NMBR: variants seen among roughly 807,000 people sequenced by gnomAD.
NMBR encodes neuromedin B receptor.
A neutral mutation model predicts 20.5 loss-of-function variants in NMBR; 16 were observed. The observed-to-expected ratio is 0.78, with a 90% CI of 0.53 to 1.19. NMBR has a LOEUF of 1.19. NMBR is among the 50% of genes most tolerant of loss of function. The pLI is 0.00. For missense variants in NMBR, 582 were observed against 499.1 expected, an observed-to-expected ratio of 1.17 and a Z score of -1.58; for synonymous variants, 212 against 196.6, an observed-to-expected ratio of 1.08 and a Z score of -0.65.
intron 1 of NMBR, among the ~76,000 whole-genome samples, chr6:142,142,300 T>C (rs983099459): frequency 1.1e-4 from 16 of 152,188 alleles, no homozygotes; most frequent in African/African-American, 3.4e-4. Flanking sequence ...TTTTAGGAAT[T>C]AGAAGAGAAT....
At chr6:142,083,282 A>G (rs542745065) in intron 2 of NMBR, among the ~76,000 whole-genome samples, 9 of 152,378 alleles carry the variant, frequency 5.9e-5, no homozygotes, top group African/African-American at 2.2e-4. Flanking sequence ...TTATATAAAA[A>G]TAACAGAGAA....
In NMBR at chr6:142,088,884, C is replaced by G; in HGVS notation, c.-226G>C. ...TTCTAGAGGGGGGAAATGGCTCCGG[C>G]TAACTCTGAATTTAAATTAAAAAAA... On this transcript the variant is annotated 5_prime_UTR_variant, in exon 2 of 4. Transcript: ENST00000258042. The G allele has an allele frequency of 2.2e-6, 1 of 452,130 alleles. No individual in the cohort carries two copies. The highest frequency in any genetic ancestry group is 3.9e-6 in the Non-Finnish European group (1 of 258,088). 28.0% of individuals were successfully genotyped at this position (452,130 alleles called of 1,614,324 possible). A position where few individuals can be genotyped will look rare whatever the true frequency, so the allele number is the denominator to read the frequency against.
chr6:142,079,960 T>A (rs1429185125), intron 2 of NMBR, among the ~76,000 whole-genome samples: 2 of 152,182 alleles, frequency 1.3e-5, no homozygotes, highest in Non-Finnish European at 2.9e-5. Context: ...TGCAAACAAT[T>A]CAAAATGGTA....
In NMBR at chr6:142,075,691, A is replaced by G. The variant is rs371294748; in HGVS notation, c.1130T>C (p.Val377Ala). 1 of 1,613,502 alleles carries G rather than the reference A, an allele frequency of 6.2e-7. No homozygotes were observed. Among genetic ancestry groups the G allele is most frequent in the South Asian group, 1.1e-5 (1 of 90,960 alleles). Residue 377 changes from valine to alanine, a missense_variant, in exon 4 of 4, where the codon GTT becomes GCT. Val to Ala is a moderately conservative substitution (Grantham distance 64). Transcript: ENST00000258042. Reference protein sequence around the residue: ...SNAKNMVTNSVLLNGHSMKQE... With the variant: ...SNAKNMVTNSALLNGHSMKQE... ...CTTCATGCTGTGCCCATTTAGTAAA[A>G]CAGAATTGGTCACCATGTTCTTAGC...
intron 1 of NMBR, among the ~76,000 whole-genome samples, chr6:142,098,765 AATGC>A (rs772041420): frequency 2.6e-4 from 39 of 152,304 alleles, no homozygotes; most frequent in Non-Finnish European, 4.6e-4. Flanking sequence ...CTATAAATTC[AATGC>A]TATCTTAATC....
intron 2 of NMBR, among the ~76,000 whole-genome samples, chr6:142,087,444 G>C (rs889526484): frequency 6.6e-6 from 1 of 152,138 alleles, no homozygotes; most frequent in Non-Finnish European, 1.5e-5. Flanking sequence ...CCTGAGTCAG[G>C]AGACTTGGAT....
At chr6:142,118,690 T>C (rs1288564135) in intron 1 of NMBR, among the ~76,000 whole-genome samples, 2 of 152,004 alleles carry the variant, frequency 1.3e-5, no homozygotes, top group African/African-American at 2.4e-5. Flanking sequence ...GTTAAGACGA[T>C]AGAAGGTTGT....
chr6:142,090,349 C>A (rs1777300663), intron 1 of NMBR, among the ~76,000 whole-genome samples: 1 of 151,974 alleles, frequency 6.6e-6, no homozygotes, highest in African/African-American at 2.4e-5. Flanking sequence ...TGCAATGTCA[C>A]TTATAAATTA....
At chr6:142,081,540 A>C (rs896631793) in intron 2 of NMBR, among the ~76,000 whole-genome samples, 2 of 152,210 alleles carry the variant, frequency 1.3e-5, no homozygotes, top group African/African-American at 4.8e-5. Context: ...AAAAGGGGAG[A>C]ATTGAAAATC....
intron 1 of NMBR, among the ~76,000 whole-genome samples, chr6:142,142,535 A>G (rs1004013522): frequency 6.6e-6 from 1 of 152,288 alleles, no homozygotes; most frequent in South Asian, 2.1e-4. Context: ...AGCTTGATAA[A>G]TAGCATCTAA....
intron 1 of NMBR, among the ~76,000 whole-genome samples, chr6:142,093,019 T>C (rs909344464): frequency 6.6e-6 from 1 of 152,110 alleles, no homozygotes; most frequent in Non-Finnish European, 1.5e-5. Flanking sequence ...ATTGTGTTTG[T>C]AGTTAGGAAA....
At chr6:142,102,315 G>A (rs536461903) in intron 1 of NMBR, among the ~76,000 whole-genome samples, 8 of 151,384 alleles carry the variant, frequency 5.3e-5, no homozygotes, top group Non-Finnish European at 8.8e-5. Context: ...GCATGAACCC[G>A]GAAGGTGGAG....
rs373756761 is a variant in NMBR at position 142,133,387 on chromosome 6, G to A, written c.-664+13657C>T. On this transcript the variant is annotated intron_variant, in intron 1 of 3. Transcript: ENST00000258042. ...AATTCAGGAAGTGTCTTTAGATGTTGGTGTTTTAGTGTGGCTCACTCTCTC... is the reference window on the plus strand; with the variant it reads ...AATTCAGGAAGTGTCTTTAGATGTTAGTGTTTTAGTGTGGCTCACTCTCTC... 1.6e-4 allele frequency among the ~76,000 whole-genome samples: 24 copies of A among 152,166 alleles called. No individual in the cohort carries two copies. In the South Asian group the frequency reaches 5.0e-3, roughly 32 times the overall value.
intron 1 of NMBR, among the ~76,000 whole-genome samples, chr6:142,140,677 T>C (rs946170122): frequency 6.6e-6 from 1 of 152,132 alleles, no homozygotes; most frequent in African/African-American, 2.4e-5. Context: ...TTAAACATTT[T>C]TAAATATTTA....
At chr6:142,137,641 T>G (rs547932146) in intron 1 of NMBR, among the ~76,000 whole-genome samples, 1 of 152,344 alleles carries the variant, frequency 6.6e-6, no homozygotes, top group Admixed American at 6.5e-5. Flanking sequence ...TTGTCACAGA[T>G]AGCTCTTATT....
intron 1 of NMBR, among the ~76,000 whole-genome samples, chr6:142,094,377 A>T (rs1777401690): frequency 6.6e-6 from 1 of 152,216 alleles, no homozygotes; most frequent in Admixed American, 6.5e-5. Flanking sequence ...ATGGCTGACC[A>T]GTTTTCCCAG....
At chr6:142,125,644 G>A (rs1164357709) in intron 1 of NMBR, among the ~76,000 whole-genome samples, 3 of 151,758 alleles carry the variant, frequency 2.0e-5, no homozygotes, top group Non-Finnish European at 4.4e-5. Flanking sequence ...AAGAAAAAAG[G>A]GGTGAATAAG....
intron 1 of NMBR, among the ~76,000 whole-genome samples, chr6:142,121,567 A>G (rs186822458): frequency 6.6e-6 from 1 of 152,108 alleles, no homozygotes; most frequent in African/African-American, 2.4e-5. Flanking sequence ...GTCTGGATAG[A>G]AGATCAAACT....
intron 1 of NMBR, among the ~76,000 whole-genome samples, chr6:142,127,447 T>A (rs1268573552): frequency 6.6e-6 from 1 of 152,114 alleles, no homozygotes; most frequent in African/African-American, 2.4e-5. Flanking sequence ...TTTTTCTTGA[T>A]CAAGATTGCT....
Sources: allele counts gnomAD v4.1 joint callset (sites outside exome capture counted in the v4.1 genomes callset), GRCh38; gene constraint gnomAD v4.1.1; transcripts MANE v1.5; gene names NCBI Gene and HGNC (gene_info 2026-07-23, HGNC 2026-07-21).